ABHD12B: variants seen among roughly 807,000 people sequenced by gnomAD.
ABHD12B encodes abhydrolase domain containing 12B, also known as protein ABHD12B.
ABHD12B carries 42 observed loss-of-function variants against 50.4 expected under a neutral mutation model. The observed-to-expected ratio is 0.83, with a 90% CI of 0.65 to 1.08. The LOEUF (loss-of-function observed/expected upper bound fraction) is 1.08, where lower values mean the gene tolerates loss of function less well. Ranked by LOEUF, ABHD12B falls within the 50% of genes least tolerant of loss-of-function variation. ABHD12B has a pLI of 0.00. For missense variants in ABHD12B, 479 were observed against 447.7 expected (o/e 1.07, Z -0.63); for synonymous variants, 167 against 160.3 (o/e 1.04, Z -0.32).
chr14:50,880,616 C>G, intron 4 of ABHD12B, 45 bp downstream of exon 4: 2 of 1,494,014 alleles, frequency 1.3e-6, no homozygotes, highest in Non-Finnish European at 1.8e-6. Context: ...AGATTGAGAG[C>G]ATTTCAGCCC....
chr14:50,904,055 C>A lies in ABHD12B; in HGVS notation c.943-19C>A. The A allele has an allele frequency of 6.3e-7, 1 of 1,593,264 alleles. No homozygotes were observed. The highest frequency in any genetic ancestry group is 1.1e-5 in the South Asian group (1 of 89,548). On this transcript the variant is annotated intron_variant, in intron 11 of 12. Transcript: ENST00000337334. The stretch of plus-strand genomic sequence containing the variant: ...AGCTTTGAATGGCCATCCTTTGAGT[C>A]TCTTTCTGTCGCTTGCAGCTCTATG...
intron 9 of ABHD12B, chr14:50,895,428 C>G (rs1468874007): frequency 6.6e-6 from 1 of 152,138 alleles, no homozygotes; most frequent in Non-Finnish European, 1.5e-5. Flanking sequence ...AGAACCTCCT[C>G]CCACAGGAGC....
intron 9 of ABHD12B, chr14:50,892,587 T>G: frequency 1.0e-6 from 1 of 985,384 alleles, no homozygotes; most frequent in Non-Finnish European, 1.2e-6. Flanking sequence ...TTTGTCAGTC[T>G]TTTCAAAGAA....
At position 50,904,097 on chromosome 14, in the gene ABHD12B, A is replaced by C. The variant is rs1340111159; in HGVS notation, c.966A>C (p.Ala322=). 1.2e-6 allele frequency: 2 copies of C among 1,613,890 alleles called. No homozygotes were observed. Among genetic ancestry groups the C allele is most frequent in the Non-Finnish European group, 1.7e-6 (2 of 1,179,952 alleles). Reference sequence around the variant, plus strand: ...AGCTCTATGAAATTGCACGCAATGCATACAGGAACAAAGAGAGGGTCAAGA... The same window carrying C: ...AGCTCTATGAAATTGCACGCAATGCCTACAGGAACAAAGAGAGGGTCAAGA... The part of the protein sequence containing the change: ...GKKLYEIARN[A]YRNKERVKMV... The change falls in exon 12 of 13, where the codon GCA becomes GCC. Residue 322 remains alanine, a synonymous_variant. Transcript: ENST00000337334.
At position 50,878,037 on chromosome 14, in the gene ABHD12B, G is replaced by A. The variant is rs1351033320; in HGVS notation, c.190G>A (p.Val64Ile). 2.0e-5 allele frequency: 30 copies of A among 1,533,502 alleles called. No individual in the cohort carries two copies. Among genetic ancestry groups the A allele is most frequent in the Middle Eastern group, 1.7e-4 (1 of 6,002 alleles). The allele number at this position is 1,533,502 out of a possible 1,614,324, so 95.0% of individuals were successfully genotyped here. A position where few individuals can be genotyped will look rare whatever the true frequency, so the allele number is the denominator to read the frequency against. The change falls in exon 2 of 13, where the codon GTT becomes ATT. Residue 64 changes from valine to isoleucine, a missense_variant. Coordinates refer to ENST00000337334, the MANE Select transcript of ABHD12B (RefSeq NM_001206673.2). ...TACTAGTAAATCCTTAAAAGAACAC[G>A]TTTTCCTTCCTCTGATAGACATGCT... Reference protein sequence around the residue: ...SFTSKSLKEHVFLPLIDMLIY... With the variant: ...SFTSKSLKEHIFLPLIDMLIY...
chr14:50,885,685 G>A (rs375510935), intron 6 of ABHD12B, 26 bp downstream of exon 6: 4 of 1,614,020 alleles, frequency 2.5e-6, no homozygotes, highest in Non-Finnish European at 3.4e-6. Context: ...GGTGTACAAA[G>A]ATGTTTCAGT....
At chr14:50,888,033 T>C (rs1053837588) in intron 8 of ABHD12B, among the ~76,000 whole-genome samples, 6 of 152,202 alleles carry the variant, frequency 3.9e-5, no homozygotes, top group Non-Finnish European at 7.3e-5. Context: ...CACTGACCAC[T>C]AGCCCCCATA....
At chr14:50,890,475 G>A (rs1596014386) in intron 9 of ABHD12B, among the ~76,000 whole-genome samples, 1 of 152,098 alleles carries the variant, frequency 6.6e-6, no homozygotes, top group East Asian at 1.9e-4. Context: ...CGGTAATCAT[G>A]TCTATGCATT....
At position 50,894,802 on chromosome 14, in the gene ABHD12B, C is replaced by T. The variant is rs535701525; in HGVS notation, c.780+5899C>T. Among the ~76,000 whole-genome samples, 871 of 149,036 alleles carry T rather than the reference C, an allele frequency of 5.8e-3. 10 individuals carry two copies. Among genetic ancestry groups the T allele is most frequent in the Middle Eastern group, 0.01 (3 of 292 alleles). On this transcript the variant is annotated intron_variant, in intron 9 of 12. Transcript: ENST00000337334. Reference sequence around the variant, plus strand: ...TCCCCCCAGTCCCAACCCCAAGCGTCGCTGAGTCTTTCTAATCTTCCTTTT... The same window carrying T: ...TCCCCCCAGTCCCAACCCCAAGCGTTGCTGAGTCTTTCTAATCTTCCTTTT...
chr14:50,882,991 T>A (rs1157268886), intron 5 of ABHD12B, among the ~76,000 whole-genome samples: 6 of 51,624 alleles, frequency 1.2e-4, no homozygotes, highest in Admixed American at 1.7e-4. Context: ...AAAAAAAAAG[T>A]CATTGAAACC....
intron 9 of ABHD12B, chr14:50,893,076 A>G (rs556054407): frequency 6.6e-6 from 1 of 152,320 alleles, no homozygotes; most frequent in Non-Finnish European, 1.5e-5. Context: ...AATTTTCCAT[A>G]TGCTTGAAAA....
chr14:50,880,646 G>T lies in ABHD12B; in HGVS notation c.455+75G>T, dbSNP rs1334003866. On this transcript the variant is annotated intron_variant, in intron 4 of 12. Coordinates refer to ENST00000337334, the MANE Select transcript of ABHD12B (RefSeq NM_001206673.2). ...CAGCCCCATGGGGGAATGAAGGACA[G>T]GGCTCTGTTTTTAACTCTGTAGGCA... is the stretch of plus-strand genomic sequence containing the variant. 3 of 1,429,666 alleles carry T rather than the reference G, an allele frequency of 2.1e-6. No individual in the cohort carries two copies. The South Asian group carries it at 5.0e-5, about 24-fold the overall frequency. 88.6% of individuals were successfully genotyped at this position (1,429,666 alleles called of 1,614,324 possible). A position where few individuals can be genotyped will look rare whatever the true frequency, so the allele number is the denominator to read the frequency against.
chr14:50,888,823 G>T lies in ABHD12B; in HGVS notation c.701-1G>T. 3.7e-6 allele frequency: 6 copies of T among 1,613,480 alleles called. No individual in the cohort carries two copies. The highest frequency in any genetic ancestry group is 5.1e-6 in the Non-Finnish European group (6 of 1,179,696). ...TCTTTCTTTCTTTCTTTCATTTCAA[G>T]GATGCCCAGTTGATGCTATTGTCTT... On this transcript the variant is annotated splice_acceptor_variant, in intron 8 of 12. Coordinates refer to ENST00000337334, the MANE Select transcript of ABHD12B (RefSeq NM_001206673.2). LOFTEE classifies it high-confidence loss of function.
intron 9 of ABHD12B, among the ~76,000 whole-genome samples, chr14:50,899,768 C>G (rs933967434): frequency 4.0e-5 from 6 of 151,846 alleles, no homozygotes; most frequent in African/African-American, 9.7e-5. Flanking sequence ...ACTAAAAATA[C>G]AAAATTACCT....
In ABHD12B at chr14:50,878,794, TCA is replaced by T; in HGVS notation, c.287_288del (p.Thr96SerfsTer8). ...DLKKPELKIP[H>X]TVNFYLRVEP... ...TAAAGAAACCAGAGTTAAAGATTCC[TCA>T]CACAGTGAACTTCTACCTGAGAGTT... On this transcript the variant is annotated frameshift_variant, in exon 3 of 13. Transcript: ENST00000337334. LOFTEE classifies it high-confidence loss of function. The T allele has an allele frequency of 6.2e-7, 1 of 1,614,054 alleles. No homozygotes were observed. The highest frequency in any genetic ancestry group is 8.5e-7 in the Non-Finnish European group (1 of 1,179,890).
Position 50,904,080 on chromosome 14 carries a change from G to C in ABHD12B, c.949G>C (p.Glu317Gln), listed in dbSNP as rs761128982. 1.9e-6 allele frequency: 3 copies of C among 1,612,650 alleles called. No homozygotes were observed. Among genetic ancestry groups the C allele is most frequent in the African/African-American group, 1.3e-5 (1 of 74,918 alleles). ...CTCTTTCTGTCGCTTGCAGCTCTAT[G>C]AAATTGCACGCAATGCATACAGGAA... Reference protein sequence around the residue: ...VPLEYGKKLYEIARNAYRNKE... With the variant: ...VPLEYGKKLYQIARNAYRNKE... Residue 317 changes from glutamate (E) to glutamine (Q), a missense_variant, in exon 12 of 13, where the codon GAA becomes CAA. Transcript: ENST00000337334.
chr14:50,880,800 A>G (rs1312904988), intron 4 of ABHD12B, among the ~76,000 whole-genome samples: 1 of 152,220 alleles, frequency 6.6e-6, no homozygotes, highest in Non-Finnish European at 1.5e-5. Context: ...TAACTCTTCC[A>G]AAAGTTGGAT....
chr14:50,893,470 A>T (rs952687262), intron 9 of ABHD12B: 2 of 147,942 alleles, frequency 1.4e-5, no homozygotes, highest in Admixed American at 1.4e-4. Context: ...TTACCTTCCC[A>T]AATCCTATAA....
chr14:50,882,188 C>T (rs564824477), intron 5 of ABHD12B, among the ~76,000 whole-genome samples: 8 of 150,254 alleles, frequency 5.3e-5, no homozygotes, highest in East Asian at 4.0e-4. Flanking sequence ...CACCCACCTC[C>T]GCCTCCCAAA....
Sources: gnomAD v4.1 joint callset for allele counts (sites outside exome capture counted in the v4.1 genomes callset) on GRCh38, gnomAD v4.1.1 for gene constraint, MANE v1.5 for transcripts, NCBI Gene and HGNC (gene_info 2026-07-23, HGNC 2026-07-21) for gene names.